Variants in SOD2 observed in about 807,000 individuals in gnomAD.
SOD2 encodes superoxide dismutase 2.
Under a neutral mutation model 27.0 loss-of-function variants are expected in SOD2, and 11 were observed. That is an observed-to-expected ratio of 0.41 (90% CI 0.26 to 0.67). The LOEUF is 0.67. SOD2 is among the 30% of genes least tolerant of loss of function. The pLI, the probability that SOD2 is intolerant of heterozygous loss-of-function variation, is 0.34. For missense variants in SOD2, 250 were observed against 274.5 expected, an observed-to-expected ratio of 0.91 and a Z score of 0.63; for synonymous variants, 105 against 103.0, an observed-to-expected ratio of 1.02 and a Z score of -0.12.
At chr6:159,729,394 TC>T (rs1778426782), upstream of SOD2, among the ~76,000 whole-genome samples, 1 of 152,236 alleles carries the variant, frequency 6.6e-6, no homozygotes, top group Non-Finnish European at 1.5e-5. Flanking sequence ...GAAAAACTTT[TC>T]AGTATCTCCA....
chr6:159,697,024 A>G (rs2758350), upstream of SOD2, among the ~76,000 whole-genome samples: 115,051 of 148,888 alleles, frequency 0.77, 44,662 homozygotes, highest in South Asian at 0.86. Context: ...GGGCAAGAGA[A>G]GGAGACCCTG....
At chr6:159,751,622 C>T (rs1779824381) in intron 1 of SOD2, among the ~76,000 whole-genome samples, 1 of 152,226 alleles carries the variant, frequency 6.6e-6, no homozygotes, top group African/African-American at 2.4e-5. Flanking sequence ...ATAAAGTTAT[C>T]ATATCAAAGA....
rs996125245 is a variant in SOD2, at chr6:159,692,750, A to T, written c.137T>A (p.Ile46Asn). The T allele has an allele frequency of 1.2e-6, 2 of 1,614,082 alleles. No homozygotes were observed. Among genetic ancestry groups the T allele is most frequent in the Non-Finnish European group, 1.7e-6 (2 of 1,180,018 alleles). Reference sequence around the variant, plus strand: ...GTGCTTGCTGTGGTGCAGCTGCATGATCTGCGCGTTGATGTGAGGTTCCAG... The same window carrying T: ...GTGCTTGCTGTGGTGCAGCTGCATGTTCTGCGCGTTGATGTGAGGTTCCAG... ...GALEPHINAQ[I>N]MQLHHSKHHA... Residue 46 changes from isoleucine (I) to asparagine (N), a missense_variant, in exon 2 of 5, where the codon ATC becomes AAC. By Grantham distance (149) the Ile-to-Asn change is moderately radical. Coordinates refer to ENST00000538183, the MANE Select transcript of SOD2 (RefSeq NM_000636.4).
Position 159,680,540 on chromosome 6 carries a change from T to C in SOD2, c.*1953A>G, listed in dbSNP as rs1398818928. 2 of 151,744 alleles carry C rather than the reference T, an allele frequency of 1.3e-5. No individual in the cohort carries two copies. The highest frequency in any genetic ancestry group is 4.8e-5 in the African/African-American group (2 of 41,256). The allele number at this position is 151,744 out of a possible 1,614,324, so 9.4% of individuals were successfully genotyped here. ...GTCTTCAATATTGAAACTGCTAAGT[T>C]ACCCCATTTTTCCATGAAAAAAAAA... On this transcript the variant is annotated 3_prime_UTR_variant, in exon 5 of 5. Coordinates refer to ENST00000538183, the MANE Select transcript of SOD2 (RefSeq NM_000636.4).
chr6:159,692,500 G>A (rs771084422), intron 2 of SOD2, 161 bp downstream of exon 2: 1 of 1,456,950 alleles, frequency 6.9e-7, no homozygotes, highest in Non-Finnish European at 9.1e-7. Flanking sequence ...CAATGAGGTA[G>A]ACCATGTGTT....
chr6:159,735,517 A>C (rs899099324), intron 1 of SOD2, among the ~76,000 whole-genome samples: 1 of 152,182 alleles, frequency 6.6e-6, no homozygotes, highest in Non-Finnish European at 1.5e-5. Context: ...TTGGGAGGCC[A>C]AGGCGGACGG....
intron 1 of SOD2, among the ~76,000 whole-genome samples, chr6:159,740,941 A>G (rs1324899656): frequency 6.6e-6 from 1 of 152,054 alleles, no homozygotes; most frequent in Non-Finnish European, 1.5e-5. Flanking sequence ...TGACCTCATG[A>G]TCTGCCCGCC....
chr6:159,685,172 C>A, intron 3 of SOD2, 139 bp from the exon 4 acceptor site: 2 of 268,414 alleles, frequency 7.5e-6, no homozygotes, highest in Non-Finnish European at 6.8e-6. Flanking sequence ...ACACCTGGAT[C>A]TAAGTTTCAC....
chr6:159,723,453 C>T (rs1326439139), intron 1 of SOD2, among the ~76,000 whole-genome samples: 2 of 152,214 alleles, frequency 1.3e-5, no homozygotes, highest in Non-Finnish European at 2.9e-5. Context: ...TGCATTCAGG[C>T]ACAACGAAAT....
chr6:159,690,284 C>CAAAAA (rs11429489), intron 2 of SOD2, among the ~76,000 whole-genome samples: 1 of 67,002 alleles, frequency 1.5e-5, no homozygotes, highest in Non-Finnish European at 2.8e-5. Flanking sequence ...GAGATTCCGT[C>CAAAAA]AAAAAAAAAA....
exon 1 of SOD2, chr6:159,761,451 A>T (rs1780122191): frequency 2.2e-6 from 1 of 447,240 alleles, no homozygotes; most frequent in Non-Finnish European, 4.5e-6. Flanking sequence ...TGATCTTAGA[A>T]GGCAGGGGGC....
chr6:159,750,007 A>T (rs1209148197), upstream of SOD2, among the ~76,000 whole-genome samples: 1 of 152,156 alleles, frequency 6.6e-6, no homozygotes, highest in Non-Finnish European at 1.5e-5. Flanking sequence ...CATTCAAATC[A>T]ATTGTAAGTA....
At chr6:159,727,244 C>T (rs987805779) in exon 1 of SOD2, 1 of 1,282,214 alleles carries the variant, frequency 7.8e-7, no homozygotes, top group Admixed American at 2.4e-5. Flanking sequence ...TCGGGCTAGG[C>T]CGACGGCCTC....
upstream of SOD2, among the ~76,000 whole-genome samples, chr6:159,730,609 A>G (rs527961401): frequency 6.6e-6 from 1 of 152,356 alleles, no homozygotes; most frequent in African/African-American, 2.4e-5. Context: ...GGCGCATTTA[A>G]CTTTGTGGCA....
chr6:159,739,150 A>C, intron 1 of SOD2: 1 of 894,790 alleles, frequency 1.1e-6, no homozygotes, highest in Non-Finnish European at 1.7e-6. Context: ...ATGTTGTTCT[A>C]TCCTCAAATA....
intron 1 of SOD2, among the ~76,000 whole-genome samples, chr6:159,711,559 A>C (rs62437329): frequency 4.6e-5 from 2 of 43,498 alleles, no homozygotes; most frequent in Admixed American, 2.6e-4. Context: ...CACCATAACC[A>C]CCTCCACAAC....
intron 1 of SOD2, chr6:159,736,571 C>T: frequency 3.3e-6 from 1 of 300,500 alleles, no homozygotes; most frequent in Non-Finnish European, 6.1e-6. Flanking sequence ...GTGAATATTT[C>T]CAGGTCTACT....
Position 159,688,138 on chromosome 6 carries a change from C to T in SOD2, c.331G>A (p.Gly111Arg). The T allele has an allele frequency of 6.2e-7, 1 of 1,603,476 alleles. No homozygotes were observed. Among genetic ancestry groups the T allele is most frequent in the East Asian group, 2.2e-5 (1 of 44,850 alleles). Residue 111 changes from glycine (G) to arginine (R), a missense_variant, in exon 3 of 5, where the codon GGA becomes AGA. Transcript: ENST00000538183. ...AATATATACCAACCTTTGGGTTCTC[C>T]ACCACCGTTAGGGCTGAGGTTTGTC... Reference protein sequence around the residue: ...FWTNLSPNGGGEPKGELLEAI... With the variant: ...FWTNLSPNGGREPKGELLEAI...
intron 1 of SOD2, among the ~76,000 whole-genome samples, chr6:159,753,838 T>TA (rs1779908889): frequency 6.6e-6 from 1 of 152,234 alleles, no homozygotes; most frequent in African/African-American, 2.4e-5. Context: ...CAAAATTTCT[T>TA]ACATTTTTGT....
Sources: allele counts gnomAD v4.1 joint callset (sites outside exome capture counted in the v4.1 genomes callset), GRCh38; gene constraint gnomAD v4.1.1; transcripts MANE v1.5; gene names NCBI Gene and HGNC (gene_info 2026-07-23, HGNC 2026-07-21).